HOATZ: variants seen among roughly 807,000 people sequenced by gnomAD.
HOATZ encodes the protein HOATZ cilia and flagella associated protein, also known as cilia- and flagella-associated protein HOATZ.
HOATZ carries 26 observed loss-of-function variants against 24.9 expected under a neutral mutation model. That is an observed-to-expected ratio of 1.04 (90% CI 0.76 to 1.45). The LOEUF (loss-of-function observed/expected upper bound fraction) is 1.45, where lower values mean the gene tolerates loss of function less well. Ranked by LOEUF, HOATZ falls within the 40% of genes most tolerant of loss-of-function variation. HOATZ has a pLI of 0.00. For synonymous variants in HOATZ, 83 were observed against 76.6 expected (o/e 1.08, Z -0.43); for missense variants, 226 against 201.5 (o/e 1.12, Z -0.74).
chr11:111,534,880 T>G (rs1867433815), intron 5 of HOATZ: 1 of 168,426 alleles, frequency 5.9e-6, no homozygotes, highest in African/African-American at 2.4e-5. Context: ...AAAACTAAGT[T>G]CATGTAGCAA....
At chr11:111,517,879 C>CT (rs201810618) in intron 3 of HOATZ, among the ~76,000 whole-genome samples, 3 of 151,328 alleles carry the variant, frequency 2.0e-5, no homozygotes, top group African/African-American at 7.3e-5. Flanking sequence ...AGCCCTCCTG[C>CT]TTTTTTTTTC....
intron 3 of HOATZ, among the ~76,000 whole-genome samples, chr11:111,524,428 G>A (rs1867310236): frequency 6.6e-6 from 1 of 152,198 alleles, no homozygotes; most frequent in Non-Finnish European, 1.5e-5. Flanking sequence ...ACCCTGCCAT[G>A]GGCATTGGAA....
At chr11:111,515,144 A>T (rs1473465296) in intron 1 of HOATZ, 134 bp downstream of exon 1, 2 of 651,342 alleles carry the variant, frequency 3.1e-6, no homozygotes, top group South Asian at 3.8e-5. Flanking sequence ...GCATGTATAA[A>T]TATTTCCTGA....
chr11:111,528,794 A>G lies in HOATZ; in HGVS notation c.340-4952A>G, dbSNP rs186710315. Among the ~76,000 whole-genome samples the G allele has an allele frequency of 3.4e-3, 517 of 152,186 alleles. 1 individual carries two copies. Among genetic ancestry groups the G allele is most frequent in the African/African-American group, 0.012 (485 of 41,534 alleles). On this transcript the variant is annotated intron_variant, in intron 3 of 5. Coordinates refer to ENST00000375618, the MANE Select transcript of HOATZ (RefSeq NM_001100388.2). ...TTTAGAGTAAAGATTGAATGAAGAA[A>G]CCATTCTGTCACTCTGTGTGTGTGT...
At chr11:111,515,664 C>A in intron 2 of HOATZ, 112 bp downstream of exon 2, 1 of 898,024 alleles carries the variant, frequency 1.1e-6, no homozygotes, top group South Asian at 1.5e-5. Flanking sequence ...CTGAATTGAA[C>A]ACCTAAGTCC....
intron 3 of HOATZ, among the ~76,000 whole-genome samples, chr11:111,530,367 C>G (rs1285077093): frequency 6.6e-6 from 1 of 152,150 alleles, no homozygotes; most frequent in Non-Finnish European, 1.5e-5. Context: ...TTTGACTCTA[C>G]TAATACATAT....
intron 2 of HOATZ, among the ~76,000 whole-genome samples, chr11:111,515,836 A>G (rs569570437): frequency 3.3e-5 from 5 of 152,330 alleles, no homozygotes; most frequent in Non-Finnish European, 7.4e-5. Context: ...TAAAGAGATT[A>G]GAGGTTCCCT....
At chr11:111,530,809 A>AT (rs1020070230) in intron 3 of HOATZ, among the ~76,000 whole-genome samples, 1 of 152,168 alleles carries the variant, frequency 6.6e-6, no homozygotes, top group African/African-American at 2.4e-5. Context: ...AGTGAATTGT[A>AT]TTTAGCTTTC....
At chr11:111,522,323 A>T (rs546290397) in intron 3 of HOATZ, among the ~76,000 whole-genome samples, 1 of 152,352 alleles carries the variant, frequency 6.6e-6, no homozygotes, top group South Asian at 2.1e-4. Context: ...ATGAATCCTT[A>T]TTGTTCAAAT....
chr11:111,519,209 C>G (rs1867240847), intron 3 of HOATZ: 1 of 253,276 alleles, frequency 3.9e-6, no homozygotes, highest in African/African-American at 2.2e-5. Flanking sequence ...TGCCTGGCCA[C>G]AGTTTACCCT....
chr11:111,515,661 G>A, intron 2 of HOATZ, 109 bp downstream of exon 2: 1 of 920,492 alleles, frequency 1.1e-6, no homozygotes, highest in Admixed American at 2.1e-5. Context: ...TTTCTGAATT[G>A]AACACCTAAG....
intron 3 of HOATZ, among the ~76,000 whole-genome samples, chr11:111,523,679 A>G (rs185031600): frequency 2.0e-4 from 30 of 152,280 alleles, no homozygotes; most frequent in African/African-American, 6.7e-4. Flanking sequence ...TGCAATTCAT[A>G]TTACAGCCAT....
At chr11:111,534,537 A>G in intron 5 of HOATZ, 73 bp downstream of exon 5, 1 of 1,177,192 alleles carries the variant, frequency 8.5e-7, no homozygotes, top group Non-Finnish European at 1.3e-6. Context: ...CTTTTTTCTT[A>G]CTTTGCCACT....
intron 3 of HOATZ, among the ~76,000 whole-genome samples, chr11:111,519,395 A>C (rs541137145): frequency 5.1e-4 from 78 of 152,316 alleles, no homozygotes; most frequent in African/African-American, 1.8e-3. Context: ...TAGCTTTTCC[A>C]CATAGACTCA....
At chr11:111,535,193 C>G (rs1469743940) in intron 5 of HOATZ, 1 of 152,024 alleles carries the variant, frequency 6.6e-6, no homozygotes, top group East Asian at 1.9e-4. Flanking sequence ...AAAGTAACAC[C>G]CTTAAGGAAG....
At chr11:111,524,523 G>A (rs1867311212) in intron 3 of HOATZ, among the ~76,000 whole-genome samples, 1 of 152,184 alleles carries the variant, frequency 6.6e-6, no homozygotes, top group South Asian at 2.1e-4. Context: ...CTAGGAATTG[G>A]ACACAGGGGA....
chr11:111,520,128 G>A (rs1335563375), intron 3 of HOATZ, among the ~76,000 whole-genome samples: 1 of 152,138 alleles, frequency 6.6e-6, no homozygotes, highest in African/African-American at 2.4e-5. Context: ...CCCTACACTG[G>A]ACCATCATTC....
intron 3 of HOATZ, among the ~76,000 whole-genome samples, chr11:111,519,787 A>G (rs957139764): frequency 2.6e-5 from 4 of 152,240 alleles, no homozygotes; most frequent in Admixed American, 1.3e-4. Context: ...TGGAAAAAAC[A>G]TTACCCATAA....
intron 3 of HOATZ, among the ~76,000 whole-genome samples, chr11:111,531,400 G>C (rs922889087): frequency 6.6e-6 from 1 of 152,186 alleles, no homozygotes; most frequent in Non-Finnish European, 1.5e-5. Context: ...TTCTGAAAGA[G>C]ACATGGTGGC....
Sources: gnomAD v4.1 joint callset for allele counts (sites outside exome capture counted in the v4.1 genomes callset) on GRCh38, gnomAD v4.1.1 for gene constraint, MANE v1.5 for transcripts, NCBI Gene and HGNC (gene_info 2026-07-23, HGNC 2026-07-21) for gene names.